Variants in RND1 observed in about 807,000 individuals in gnomAD.
RND1 encodes Rho family GTPase 1.
RND1 carries 9 observed loss-of-function variants against 27.1 expected under a neutral mutation model. The observed-to-expected ratio is 0.33, with a 90% CI of 0.20 to 0.58. The LOEUF (loss-of-function observed/expected upper bound fraction) is 0.58, where lower values mean the gene tolerates loss of function less well. RND1 is among the 20% of genes least tolerant of loss of function. The probability of loss-of-function intolerance (pLI) is 0.86; values close to 1 mark genes in which losing one functional copy is unlikely to be tolerated. For missense variants in RND1, 253 were observed against 292.2 expected (o/e 0.87, Z 0.98); for synonymous variants, 108 against 115.7 (o/e 0.93, Z 0.43).
Position 48,865,005 on chromosome 12 carries a change from A to C in RND1, c.121-135T>G. 3 of 727,952 alleles carry C rather than the reference A, an allele frequency of 4.1e-6. No homozygotes were observed. The South Asian group carries it at 4.4e-5, about 11-fold the overall frequency. The allele number at this position is 727,952 out of a possible 1,614,324, so 45.1% of individuals were successfully genotyped here. A position where few individuals can be genotyped will look rare whatever the true frequency, so the allele number is the denominator to read the frequency against. On this transcript the variant is annotated intron_variant, in intron 1 of 4. Coordinates refer to ENST00000309739, the MANE Select transcript of RND1 (RefSeq NM_014470.4). ...AGAAACCAGAGGAGATGCCTGGGGC[A>C]GGAGGGAAGGGACTGTGGAGGACCA...
Position 48,864,808 on chromosome 12 carries a change from C to T in RND1, c.183G>A (p.Val61=). The change falls in exon 2 of 5, where the codon GTG becomes GTA. Residue 61 remains valine, a synonymous_variant. Coordinates refer to ENST00000309739, the MANE Select transcript of RND1 (RefSeq NM_014470.4). The stretch of plus-strand genomic sequence containing the variant: ...CTGAGGTATCCCAGAGACTAAGCTC[C>T]ACCCTCTGTTCCTCTGTCTCCAAAC... ...TACLETEEQR[V]ELSLWDTSGS... is the part of the protein sequence containing the mutation. 3.7e-6 allele frequency: 6 copies of T among 1,613,884 alleles called. No individual in the cohort carries two copies. Among genetic ancestry groups the T allele is most frequent in the Non-Finnish European group, 5.1e-6 (6 of 1,179,770 alleles).
At chr12:48,862,194 G>T in intron 2 of RND1, 76 bp from the exon 3 acceptor site, 1 of 815,942 alleles carries the variant, frequency 1.2e-6, no homozygotes, top group Non-Finnish European at 2.0e-6. Flanking sequence ...CTAAAGCCCT[G>T]GGAATACCAT....
At position 48,860,985 on chromosome 12, in the gene RND1, A is replaced by T; in HGVS notation, c.453+12T>A. 2 of 1,612,846 alleles carry T rather than the reference A, an allele frequency of 1.2e-6. No homozygotes were observed. The highest frequency in any genetic ancestry group is 2.2e-5 in the East Asian group (1 of 44,888). Reference sequence around the variant, plus strand: ...ACTCCACCCCACGACATGCACTTGCATGCGCACACACCTGCTCATAGGAGA... The same window carrying T: ...ACTCCACCCCACGACATGCACTTGCTTGCGCACACACCTGCTCATAGGAGA... On this transcript the variant is annotated intron_variant, in intron 4 of 4. Transcript: ENST00000309739.
intron 4 of RND1, chr12:48,858,448 G>A (rs1271597161): frequency 4.5e-5 from 24 of 534,328 alleles, no homozygotes; most frequent in South Asian, 2.0e-4. Context: ...TTCTTAAGAC[G>A]ATGCCTGACT....
chr12:48,865,487 G>T, intron 1 of RND1, 161 bp downstream of exon 1: 2 of 796,878 alleles, frequency 2.5e-6, no homozygotes, highest in Non-Finnish European at 2.1e-6. Context: ...CTAAGGCAGG[G>T]CAGTCCTCCA....
In RND1 at chr12:48,862,128, G is replaced by C; in HGVS notation, c.209-10C>G. ...TCGTAGTAGGGAGATCCTGGTGTAG[G>C]CCAGAAAGAGCTGATGGTGAGCCAT... On this transcript the variant is annotated splice_polypyrimidine_tract_variant and intron_variant, in intron 2 of 4. Transcript: ENST00000309739. 6.6e-7 allele frequency: 1 copy of C among 1,516,830 alleles called. No individual in the cohort carries two copies. The highest frequency in any genetic ancestry group is 9.2e-7 in the Non-Finnish European group (1 of 1,092,432). 94.0% of individuals were successfully genotyped at this position (1,516,830 alleles called of 1,614,324 possible).
chr12:48,862,186 A>T, intron 2 of RND1, 68 bp from the exon 3 acceptor site: 1 of 906,514 alleles, frequency 1.1e-6, no homozygotes. Context: ...CCTAAGCCCT[A>T]AAGCCCTGGG....
At chr12:48,858,518 A>G (rs1938874257) in intron 4 of RND1, 1 of 314,112 alleles carries the variant, frequency 3.2e-6, no homozygotes. Flanking sequence ...CTAAATTAGA[A>G]TTTCTGGGGA....
chr12:48,862,033 C>A lies in RND1; in HGVS notation c.294G>T (p.Glu98Asp), dbSNP rs1298303254. 1 of 1,609,968 alleles carries A rather than the reference C, an allele frequency of 6.2e-7. No homozygotes were observed. Among genetic ancestry groups the A allele is most frequent in the Admixed American group, 1.7e-5 (1 of 60,000 alleles). Residue 98 changes from glutamate (E) to aspartate (D), a missense_variant, in exon 3 of 5, where the codon GAG (glutamate) becomes GAT (aspartate). Coordinates refer to ENST00000309739, the MANE Select transcript of RND1 (RefSeq NM_014470.4). ...VLLCFDISRP[E>D]TVDSALKKWR... ...CCTTCTTGAGTGCGCTGTCCACTGT[C>A]TCTGGACGGCTGATGTCAAAACATA...
intron 4 of RND1, 46 bp from the exon 5 acceptor site, chr12:48,858,287 C>A: frequency 6.3e-7 from 1 of 1,588,658 alleles, no homozygotes; most frequent in South Asian, 1.2e-5. Context: ...CAAAATGGCT[C>A]TGGGACGCTG....
chr12:48,864,712 T>A (rs778849277), intron 2 of RND1, 71 bp downstream of exon 2: 8 of 1,170,346 alleles, frequency 6.8e-6, no homozygotes, highest in Non-Finnish European at 9.0e-6. Flanking sequence ...GGGAAAACAA[T>A]TTCTAAAAGA....
intron 4 of RND1, chr12:48,859,276 A>C (rs1938887505): frequency 6.6e-6 from 1 of 152,092 alleles, no homozygotes; most frequent in African/African-American, 2.4e-5. Context: ...TATTCTTAAG[A>C]GCTCCCCAGG....
chr12:48,860,164 A>T (rs1182978971), intron 4 of RND1, among the ~76,000 whole-genome samples: 3 of 147,858 alleles, frequency 2.0e-5, no homozygotes, highest in African/African-American at 7.5e-5. Context: ...GCTAACTGCA[A>T]CCTCCATCTC....
In RND1 at chr12:48,858,236, A is replaced by G; in HGVS notation, c.459T>C (p.Cys153=). 6.2e-7 allele frequency: 1 copy of G among 1,613,994 alleles called. No homozygotes were observed. Among genetic ancestry groups the G allele is most frequent in the South Asian group, 1.1e-5 (1 of 91,070 alleles). The change falls in exon 5 of 5, where the codon TGT becomes TGC. Residue 153 remains cysteine (C), a synonymous_variant. Transcript: ENST00000309739. ...CTGCACCCAGCTGCTTTGCTATTGC[A>G]CAACCCTGCAGGAGGGGGTGAGGGC... ...KQAPISYEQG[C]AIAKQLGAEI...
At position 48,861,042 on chromosome 12, in the gene RND1, C is replaced by G. The variant is rs1290855207; in HGVS notation, c.408G>C (p.Leu136=). The change falls in exon 4 of 5, where the codon CTG becomes CTC. Residue 136 remains leucine, a synonymous_variant. Coordinates refer to ENST00000309739, the MANE Select transcript of RND1 (RefSeq NM_014470.4). ...CCTGCTTCTGGTGGGACAGCTCCATCAGAGTACTCAGGTCTGTTCGCAGGT... is the reference window on the plus strand; with the variant it reads ...CCTGCTTCTGGTGGGACAGCTCCATGAGAGTACTCAGGTCTGTTCGCAGGT... ...KTDLRTDLST[L]MELSHQKQAP... 6.2e-7 allele frequency: 1 copy of G among 1,614,088 alleles called. No homozygotes were observed. Among genetic ancestry groups the G allele is most frequent in the East Asian group, 2.2e-5 (1 of 44,886 alleles).
chr12:48,864,235 G>A (rs552839603), intron 2 of RND1, among the ~76,000 whole-genome samples: 2 of 152,272 alleles, frequency 1.3e-5, no homozygotes, highest in African/African-American at 4.8e-5. Context: ...GCGGCAGGAG[G>A]ACAGCAGTGG....
At chr12:48,864,896 C>T (rs763588035) in intron 1 of RND1, 26 bp from the exon 2 acceptor site, 2 of 1,517,542 alleles carry the variant, frequency 1.3e-6, no homozygotes, top group East Asian at 2.3e-5. Flanking sequence ...AAACATTCAC[C>T]CCATGCACCC....
intron 2 of RND1, 31 bp downstream of exon 2, chr12:48,864,752 G>A (rs777428233): frequency 6.8e-7 from 1 of 1,479,624 alleles, no homozygotes; most frequent in South Asian, 1.1e-5. Flanking sequence ...CAGTAGGGGT[G>A]GGAAAGGGGT....
chr12:48,859,073 C>T (rs1938882834), intron 4 of RND1: 1 of 151,014 alleles, frequency 6.6e-6, no homozygotes, highest in South Asian at 2.1e-4. Context: ...ATTCTCCTGC[C>T]TCAGCCTCCC....
Sources: gnomAD v4.1 joint callset for allele counts (sites outside exome capture counted in the v4.1 genomes callset) on GRCh38, gnomAD v4.1.1 for gene constraint, MANE v1.5 for transcripts, NCBI Gene and HGNC (gene_info 2026-07-23, HGNC 2026-07-21) for gene names.